Variants in DDX42 observed in about 807,000 individuals in gnomAD.
The protein encoded by DDX42 is DEAD-box helicase 42.
DDX42 carries 22 observed loss-of-function variants against 101.5 expected under a neutral mutation model. The ratio of observed to expected loss-of-function variants is 0.22; its 90% CI spans 0.15 to 0.31. DDX42 has a LOEUF of 0.31. Among genes scored for constraint, DDX42 ranks in the 10% least tolerant of loss-of-function variants. DDX42 has a pLI of 1.00. For missense variants in DDX42, 849 were observed against 1,199.9 expected (o/e 0.71, Z 4.32); for synonymous variants, 402 against 401.2 (o/e 1.00, Z -0.02).
intron 17 of DDX42, 139 bp downstream of exon 17, chr17:63,817,105 A>C: frequency 1.5e-6 from 1 of 646,652 alleles, no homozygotes; most frequent in Non-Finnish European, 2.6e-6. Context: ...TGGATTTTGA[A>C]TATAAACCTA....
chr17:63,810,754 A>T (rs1330748023), intron 12 of DDX42, among the ~76,000 whole-genome samples, 194 bp downstream of exon 12: 1 of 152,226 alleles, frequency 6.6e-6, no homozygotes, highest in African/African-American at 2.4e-5. Context: ...TTTATAGATG[A>T]TAAAACCAAG....
At chr17:63,779,678 C>T (rs994899786) in intron 1 of DDX42, among the ~76,000 whole-genome samples, 8 of 152,264 alleles carry the variant, frequency 5.3e-5, no homozygotes, top group African/African-American at 1.2e-4. Flanking sequence ...CTCCCCTCCT[C>T]GCAGCCCCTG....
At chr17:63,790,261 G>A (rs746518872) in intron 2 of DDX42, among the ~76,000 whole-genome samples, 1 of 152,154 alleles carries the variant, frequency 6.6e-6, no homozygotes, top group Non-Finnish European at 1.5e-5. Flanking sequence ...AGTATATAGC[G>A]TGAGTATGCT....
intron 13 of DDX42, 69 bp from the exon 14 acceptor site, chr17:63,811,863 G>T: frequency 6.2e-7 from 1 of 1,600,688 alleles, no homozygotes; most frequent in Non-Finnish European, 8.6e-7. Flanking sequence ...GAAATATAAT[G>T]CCTAGTCCTT....
chr17:63,811,066 T>TA lies in DDX42; in HGVS notation c.1301-9dup, dbSNP rs1463676593. ...ATTGTTTCTCTAACAGAATTTATCTTACCTTTTAGCTCTCTTATTTAGTGC... is the reference window on the plus strand; with the variant it reads ...ATTGTTTCTCTAACAGAATTTATCTTAACCTTTTAGCTCTCTTATTTAGTGC... On this transcript the variant is annotated splice_polypyrimidine_tract_variant and intron_variant, in intron 12 of 17. Coordinates refer to ENST00000389924, the MANE Select transcript of DDX42 (RefSeq NM_203499.3). 6.2e-7 allele frequency: 1 copy of TA among 1,611,352 alleles called. No homozygotes were observed. The highest frequency in any genetic ancestry group is 8.5e-7 in the Non-Finnish European group (1 of 1,178,108).
At chr17:63,797,906 G>A in intron 3 of DDX42, 132 bp from the exon 4 acceptor site, 1 of 747,626 alleles carries the variant, frequency 1.3e-6, no homozygotes, top group Non-Finnish European at 2.1e-6. Context: ...TTGTCAAAAT[G>A]CAATTTGATG....
chr17:63,799,031 GTGA>G (rs959573918), intron 4 of DDX42, among the ~76,000 whole-genome samples: 3 of 152,306 alleles, frequency 2.0e-5, no homozygotes, highest in South Asian at 2.1e-4. Flanking sequence ...ACAGCAAGTG[GTGA>G]TGGTCCCCTT....
chr17:63,818,445 A>G lies in DDX42; in HGVS notation c.*47A>G. ...AATCAGTTGTCCTTAATTTTTAGAA[A>G]GATTTTGGTAACTAGGTGTCTCAGG... On this transcript the variant is annotated 3_prime_UTR_variant, in exon 18 of 18. Transcript: ENST00000389924. The G allele has an allele frequency of 6.4e-7, 1 of 1,553,484 alleles. No homozygotes were observed. The highest frequency in any genetic ancestry group is 8.7e-7 in the Non-Finnish European group (1 of 1,151,258).
chr17:63,783,786 G>A (rs1461722875), intron 1 of DDX42, among the ~76,000 whole-genome samples: 1 of 152,106 alleles, frequency 6.6e-6, no homozygotes, highest in Non-Finnish European at 1.5e-5. Flanking sequence ...AAGCAGCCTG[G>A]GTGCCGTGGC....
In DDX42 at chr17:63,815,501, C is replaced by T. The variant is rs1484995349; in HGVS notation, c.1903-62C>T. ...TCCCACTTAATTTCCTCTTTGTCCTCGTTCTCTTCTTCTGTTCTTTTCTCC... is the reference window on the plus strand; with the variant it reads ...TCCCACTTAATTTCCTCTTTGTCCTTGTTCTCTTCTTCTGTTCTTTTCTCC... On this transcript the variant is annotated intron_variant, in intron 15 of 17. Coordinates refer to ENST00000389924, the MANE Select transcript of DDX42 (RefSeq NM_203499.3). The T allele has an allele frequency of 6.3e-6, 8 of 1,278,544 alleles. No homozygotes were observed. In the East Asian group the frequency reaches 7.3e-5, roughly 12 times the overall value. The allele number at this position is 1,278,544 out of a possible 1,614,324, so 79.2% of individuals were successfully genotyped here.
At chr17:63,773,846 G>A (rs779186115), upstream of DDX42, 1 of 153,270 alleles carries the variant, frequency 6.5e-6, no homozygotes, top group African/African-American at 2.4e-5. Flanking sequence ...TGCTGTGTGG[G>A]ACCACGTGGC....
intron 2 of DDX42, among the ~76,000 whole-genome samples, chr17:63,788,236 C>G (rs1192815244): frequency 1.3e-5 from 2 of 150,356 alleles, no homozygotes; most frequent in Admixed American, 6.6e-5. Context: ...TTTACTGACA[C>G]CATATAAATT....
Position 63,818,452 on chromosome 17 carries a change from G to A in DDX42, c.*54G>A. 1 of 1,530,872 alleles carries A rather than the reference G, an allele frequency of 6.5e-7. No homozygotes were observed. Among genetic ancestry groups the A allele is most frequent in the South Asian group, 1.2e-5 (1 of 80,650 alleles). The allele number at this position is 1,530,872 out of a possible 1,614,324, so 94.8% of individuals were successfully genotyped here. A position where few individuals can be genotyped will look rare whatever the true frequency, so the allele number is the denominator to read the frequency against. On this transcript the variant is annotated 3_prime_UTR_variant, in exon 18 of 18. Transcript: ENST00000389924. Reference sequence around the variant, plus strand: ...TGTCCTTAATTTTTAGAAAGATTTTGGTAACTAGGTGTCTCAGGGCTGGGT... The same window carrying A: ...TGTCCTTAATTTTTAGAAAGATTTTAGTAACTAGGTGTCTCAGGGCTGGGT...
At position 63,817,642 on chromosome 17, in the gene DDX42, A is replaced by G. The variant is rs993028822; in HGVS notation, c.2113-52A>G. ...CATCATTTGCCAAGTTGTATATTCAAGTTTCTTGAACTTGCTATCTTACCT... is the reference window on the plus strand; with the variant it reads ...CATCATTTGCCAAGTTGTATATTCAGGTTTCTTGAACTTGCTATCTTACCT... On this transcript the variant is annotated intron_variant, in intron 17 of 17. Coordinates refer to ENST00000389924, the MANE Select transcript of DDX42 (RefSeq NM_203499.3). 4 of 1,561,450 alleles carry G rather than the reference A, an allele frequency of 2.6e-6. No homozygotes were observed. In the African/African-American group the frequency reaches 4.1e-5, roughly 16 times the overall value.
At chr17:63,810,251 AT>A (rs11450730) in intron 11 of DDX42, 9,722 of 121,128 alleles carry the variant, frequency 0.08, 920 homozygotes, top group African/African-American at 0.26. Context: ...CAGCCTGGCT[AT>A]TTTTTTTTTT....
intron 4 of DDX42, among the ~76,000 whole-genome samples, chr17:63,798,744 A>C (rs1270023888): frequency 6.6e-6 from 1 of 152,156 alleles, no homozygotes. Context: ...ATAAACTCCT[A>C]AGGCTTTTTC....
In DDX42 at chr17:63,798,094, C is replaced by A. The variant is rs1479105505; in HGVS notation, c.429C>A (p.Asn143Lys). 1 of 1,612,882 alleles carries A rather than the reference C, an allele frequency of 6.2e-7. No homozygotes were observed. The highest frequency in any genetic ancestry group is 8.5e-7 in the Non-Finnish European group (1 of 1,179,448). The change falls in exon 4 of 18, where the codon AAC becomes AAA. Residue 143 changes from asparagine (N) to lysine (K), a missense_variant. By Grantham distance (94) the Asn-to-Lys change is moderately conservative. Coordinates refer to ENST00000389924, the MANE Select transcript of DDX42 (RefSeq NM_203499.3). ...RLEEKDKERK[N>K]VKGIRDDIEE... ...AAGAAAAGGACAAGGAAAGAAAAAACGTAAAGTAAGTTGTTTTCTTCTCCC... is the reference window on the plus strand; with the variant it reads ...AAGAAAAGGACAAGGAAAGAAAAAAAGTAAAGTAAGTTGTTTTCTTCTCCC...
At chr17:63,792,662 T>C (rs928256470) in intron 3 of DDX42, 100 bp downstream of exon 3, 16 of 1,356,124 alleles carry the variant, frequency 1.2e-5, no homozygotes, top group South Asian at 3.3e-5. Context: ...TCTAGTCTTA[T>C]TATTTTTTTT....
Position 63,811,562 on chromosome 17 carries a change from GA to G in DDX42, c.1399-368del, listed in dbSNP as rs2039910660. ...TACGCAGGAGGGAAAGGGTGACCTGGAAGGCCTGGAAAAAATCAGGTTTCAT... is the reference window on the plus strand; with the variant it reads ...TACGCAGGAGGGAAAGGGTGACCTGGAGGCCTGGAAAAAATCAGGTTTCAT... On this transcript the variant is annotated intron_variant, in intron 13 of 17. Coordinates refer to ENST00000389924, the MANE Select transcript of DDX42 (RefSeq NM_203499.3). 3 of 376,942 alleles carry G rather than the reference GA, an allele frequency of 8.0e-6. No homozygotes were observed. In the East Asian group the frequency reaches 1.5e-4, roughly 19 times the overall value. The allele number at this position is 376,942 out of a possible 1,614,324, so 23.3% of individuals were successfully genotyped here.
Sources: allele counts gnomAD v4.1 joint callset (sites outside exome capture counted in the v4.1 genomes callset), GRCh38; gene constraint gnomAD v4.1.1; transcripts MANE v1.5; gene names NCBI Gene and HGNC (gene_info 2026-07-23, HGNC 2026-07-21).